NSUN2: variants seen among roughly 807,000 people sequenced by gnomAD.
NSUN2 encodes NOP2/Sun RNA methyltransferase 2.
Under a neutral mutation model 92.7 loss-of-function variants are expected in NSUN2, and 63 were observed. The ratio of observed to expected loss-of-function variants is 0.68; its 90% CI spans 0.56 to 0.84. The LOEUF is 0.84. Among genes scored for constraint, NSUN2 ranks in the 40% least tolerant of loss-of-function variants. The pLI, the probability that NSUN2 is intolerant of heterozygous loss-of-function variation, is 0.00. For synonymous variants in NSUN2, 356 were observed against 348.3 expected, an observed-to-expected ratio of 1.02 and a Z score of -0.25; for missense variants, 989 against 964.9, an observed-to-expected ratio of 1.02 and a Z score of -0.33.
In NSUN2 at chr5:6,600,028, C is replaced by T; in HGVS notation, c.2202G>A (p.Glu734=). 1 of 1,614,236 alleles carries T rather than the reference C, an allele frequency of 6.2e-7. No individual in the cohort carries two copies. Among genetic ancestry groups the T allele is most frequent in the Non-Finnish European group, 8.5e-7 (1 of 1,180,028 alleles). ...STGQPDNDVT[E]GQRAGEPNSP... is the part of the protein sequence containing the mutation. ...TGTTGGGCTCTCCTGCTCTCTGTCC[C>T]TCAGTCACGTCATTGTCTGGCTGTC... is the stretch of plus-strand genomic sequence containing the variant. The change falls in exon 19 of 19, where the codon GAG becomes GAA. Residue 734 remains glutamate (E), a synonymous_variant. Coordinates refer to ENST00000264670, the MANE Select transcript of NSUN2 (RefSeq NM_017755.6).
chr5:6,605,077 C>T, intron 15 of NSUN2, 196 bp downstream of exon 15: 4 of 729,662 alleles, frequency 5.5e-6, no homozygotes, highest in South Asian at 3.6e-5. Context: ...CCACCAGATT[C>T]AGGACTCTGG....
At chr5:6,601,130 G>A (rs1237547893) in intron 18 of NSUN2, among the ~76,000 whole-genome samples, 1 of 146,500 alleles carries the variant, frequency 6.8e-6, no homozygotes, top group African/African-American at 2.6e-5. Flanking sequence ...GAAGTGAGAG[G>A]AAAATATAAG....
chr5:6,618,346 C>T (rs565330405), intron 7 of NSUN2, among the ~76,000 whole-genome samples: 2 of 152,264 alleles, frequency 1.3e-5, no homozygotes, highest in South Asian at 4.1e-4. Context: ...GGACACAGAA[C>T]CTAAAATACT....
Position 6,631,949 on chromosome 5 carries a change from T to C in NSUN2, c.283A>G (p.Lys95Glu), listed in dbSNP as rs1181217907. Residue 95 changes from lysine (K) to glutamate (E), a missense_variant, in exon 3 of 19, where the codon AAG becomes GAG. This residue lies in a region of NSUN2 where 356 missense variants were observed against 338.6 expected (regional missense o/e 1.05). Coordinates refer to ENST00000264670, the MANE Select transcript of NSUN2 (RefSeq NM_017755.6). ...TCCAATTCCTTAAAATATTTGTTCT[T>C]TAAGCAATGGAGAATCTCTTTTGCG... ...SHAKEILHCL[K>E]NKYFKELEDL... 3 of 1,613,676 alleles carry C rather than the reference T, an allele frequency of 1.9e-6. No homozygotes were observed. Among genetic ancestry groups the C allele is most frequent in the African/African-American group, 1.3e-5 (1 of 74,914 alleles).
intron 11 of NSUN2, 69 bp downstream of exon 11, chr5:6,610,886 C>A: frequency 6.3e-7 from 1 of 1,578,120 alleles, no homozygotes; most frequent in Non-Finnish European, 8.6e-7. Flanking sequence ...CCCAACAAGA[C>A]TCACCAGCTC....
intron 12 of NSUN2, 126 bp downstream of exon 12, chr5:6,609,700 T>C: frequency 1.4e-6 from 1 of 700,066 alleles, no homozygotes; most frequent in Middle Eastern, 2.6e-4. Flanking sequence ...TCATTCAGGG[T>C]CAGCTCTCCT....
At chr5:6,601,324 G>A (rs1197049937) in intron 18 of NSUN2, among the ~76,000 whole-genome samples, 1 of 143,688 alleles carries the variant, frequency 7.0e-6, no homozygotes, top group Non-Finnish European at 1.5e-5. Context: ...CCATTTCTGA[G>A]TCTTTGTTCA....
intron 5 of NSUN2, among the ~76,000 whole-genome samples, chr5:6,622,882 A>T (rs1737505200): frequency 2.0e-5 from 3 of 151,596 alleles, no homozygotes; most frequent in South Asian, 2.1e-4. Context: ...AAGAGCACAG[A>T]GTAATGCTTG....
chr5:6,632,882 A>G lies in NSUN2; in HGVS notation c.96+2T>C, dbSNP rs1414022796. Reference sequence around the variant, plus strand: ...GCCCGCCCGCCGGGTCCCGGCTCCTACCGCCTCGCCGCGCTTTCCACCACC... The same window carrying G: ...GCCCGCCCGCCGGGTCCCGGCTCCTGCCGCCTCGCCGCGCTTTCCACCACC... On this transcript the variant is annotated splice_donor_variant, in intron 1 of 18. Coordinates refer to ENST00000264670, the MANE Select transcript of NSUN2 (RefSeq NM_017755.6). LOFTEE classifies it high-confidence loss of function. 5.2e-6 allele frequency: 8 copies of G among 1,532,334 alleles called. No individual in the cohort carries two copies. The highest frequency in any genetic ancestry group is 7.0e-6 in the Non-Finnish European group (8 of 1,144,366). The allele number at this position is 1,532,334 out of a possible 1,614,324, so 94.9% of individuals were successfully genotyped here.
At chr5:6,619,116 A>G (rs1237912512) in intron 7 of NSUN2, among the ~76,000 whole-genome samples, 2 of 152,176 alleles carry the variant, frequency 1.3e-5, no homozygotes, top group Admixed American at 1.3e-4. Flanking sequence ...ATCAAAAAAC[A>G]GGGGTAGGAA....
chr5:6,631,818 T>A, intron 3 of NSUN2, 55 bp downstream of exon 3: 1 of 1,258,084 alleles, frequency 7.9e-7, no homozygotes, highest in Non-Finnish European at 1.2e-6. Flanking sequence ...ATAATTCAAG[T>A]GATAGAGATT....
chr5:6,611,668 C>T, intron 10 of NSUN2, 57 bp downstream of exon 10: 2 of 1,432,826 alleles, frequency 1.4e-6, no homozygotes, highest in Non-Finnish European at 9.8e-7. Flanking sequence ...AAACTTGACT[C>T]TACTTCAGTG....
chr5:6,602,554 C>A, intron 17 of NSUN2, 54 bp from the exon 18 acceptor site: 1 of 1,504,244 alleles, frequency 6.6e-7, no homozygotes, highest in Non-Finnish European at 9.3e-7. Context: ...TGGATGCATG[C>A]GCTGAGCACA....
intron 18 of NSUN2, 21 bp from the exon 19 acceptor site, chr5:6,600,253 A>G (rs368587252): frequency 6.2e-7 from 1 of 1,601,576 alleles, no homozygotes; most frequent in Admixed American, 1.7e-5. Context: ...AAGTGGCTTC[A>G]TGTAGAACAT....
intron 17 of NSUN2, among the ~76,000 whole-genome samples, chr5:6,603,551 C>T (rs1242790135): frequency 1.3e-5 from 2 of 152,104 alleles, no homozygotes; most frequent in South Asian, 2.1e-4. Context: ...ATTAGCTGGG[C>T]GTGGTGGCGG....
chr5:6,621,589 A>G (rs1042530591), intron 6 of NSUN2: 1 of 154,940 alleles, frequency 6.5e-6, no homozygotes, highest in Admixed American at 6.4e-5. Context: ...TCTACTAAAA[A>G]TACAAAAAAT....
At position 6,610,993 on chromosome 5, in the gene NSUN2, C is replaced by A; in HGVS notation, c.1188G>T (p.Lys396Asn). ...TQIRPTMFPP[K>N]DPEKLQAMHL... ...GCATGGCCTGCAGCTTTTCTGGGTC[C>A]TTCGGAGGGAACATGGTAGGTCGGA... Residue 396 changes from lysine (K) to asparagine (N), a missense_variant, in exon 11 of 19, where the codon AAG (lysine) becomes AAT (asparagine). By Grantham distance (94) the Lys-to-Asn change is moderately conservative. This residue lies in a region of NSUN2 where 626 missense variants were observed against 602.3 expected (regional missense o/e 1.04). Transcript: ENST00000264670. The A allele has an allele frequency of 6.2e-7, 1 of 1,614,208 alleles. No homozygotes were observed. The highest frequency in any genetic ancestry group is 8.5e-7 in the Non-Finnish European group (1 of 1,180,032).
intron 6 of NSUN2, 175 bp downstream of exon 6, chr5:6,621,841 T>A (rs1737460424): frequency 5.1e-6 from 3 of 588,484 alleles, no homozygotes; most frequent in Non-Finnish European, 9.1e-6. Context: ...TTTGTTTGAG[T>A]ACTACTGACG....
At chr5:6,610,833 A>T (rs187758081) in intron 11 of NSUN2, 122 bp downstream of exon 11, 30 of 1,202,042 alleles carry the variant, frequency 2.5e-5, no homozygotes, top group Non-Finnish European at 3.0e-5. Flanking sequence ...ACCCTGGCAT[A>T]ACCCAAGCCT....
Sources: gnomAD v4.1 joint callset for allele counts (sites outside exome capture counted in the v4.1 genomes callset) on GRCh38, gnomAD v4.1.1 for gene constraint, gnomAD v4.1.1 regional missense constraint, MANE v1.5 for transcripts, NCBI Gene and HGNC (gene_info 2026-07-23, HGNC 2026-07-21) for gene names.